C2orf66: variants seen among roughly 807,000 people sequenced by gnomAD.
C2orf66 encodes chromosome 2 open reading frame 66.
C2orf66 carries 6 observed loss-of-function variants against 7.0 expected under a neutral mutation model. That is an observed-to-expected ratio of 0.86 (90% CI 0.47 to 1.69). The LOEUF (loss-of-function observed/expected upper bound fraction) is 1.69. C2orf66 is among the 40% of genes most tolerant of loss of function. C2orf66 has a pLI of 0.01. For synonymous variants in C2orf66, 38 were observed against 43.8 expected, an observed-to-expected ratio of 0.87 and a Z score of 0.52; for missense variants, 107 against 112.0, an observed-to-expected ratio of 0.96 and a Z score of 0.20.
the C2orf66 span, among the ~76,000 whole-genome samples, chr2:196,825,222 C>CAAAA: frequency 8.7e-4 from 47 of 54,304 alleles, no homozygotes; most frequent in African/African-American, 3.1e-3. Context: ...GACTCTGTCT[C>CAAAA]AAAAAAAAAA....
chr2:196,819,815 T>C, the C2orf66 span, among the ~76,000 whole-genome samples: 3 of 152,238 alleles, frequency 2.0e-5, no homozygotes, highest in African/African-American at 7.2e-5. Flanking sequence ...CATTTCTATT[T>C]TGTATCATTC....
chr2:196,824,262 G>GT, the C2orf66 span, among the ~76,000 whole-genome samples: 372 of 148,708 alleles, frequency 2.5e-3, no homozygotes, highest in East Asian at 0.019. Context: ...CTTTGTAAGG[G>GT]TTTTTTTTTT....
At chr2:196,830,978 G>A in the C2orf66 span, among the ~76,000 whole-genome samples, 1 of 152,118 alleles carries the variant, frequency 6.6e-6, no homozygotes, top group Admixed American at 6.5e-5. Context: ...ATTAAAGCTT[G>A]GCACACCCAA....
the C2orf66 span, among the ~76,000 whole-genome samples, chr2:196,829,071 A>G: frequency 1.3e-5 from 2 of 152,174 alleles, no homozygotes; most frequent in East Asian, 3.8e-4. Flanking sequence ...ATATATATGT[A>G]TATATACATA....
the C2orf66 span, among the ~76,000 whole-genome samples, chr2:196,830,339 T>A: frequency 8.5e-5 from 13 of 152,214 alleles, no homozygotes. Context: ...TCATTCCTAC[T>A]AAGTTGAGAA....
At chr2:196,825,969 T>G in the C2orf66 span, among the ~76,000 whole-genome samples, 1 of 152,162 alleles carries the variant, frequency 6.6e-6, no homozygotes, top group Non-Finnish European at 1.5e-5. Context: ...TTATTAAATA[T>G]TTATTATGTT....
chr2:196,808,411 G>T (rs1699838833), intron 1 of C2orf66, among the ~76,000 whole-genome samples: 1 of 152,172 alleles, frequency 6.6e-6, no homozygotes. Flanking sequence ...CATGACATTT[G>T]TAAACTGTCA....
At chr2:196,829,028 T>C in the C2orf66 span, among the ~76,000 whole-genome samples, 17 of 152,312 alleles carry the variant, frequency 1.1e-4, no homozygotes, top group African/African-American at 4.1e-4. Flanking sequence ...TTGTAGTCTT[T>C]TGTTATGCAG....
At chr2:196,818,702 G>C in the C2orf66 span, among the ~76,000 whole-genome samples, 1 of 152,194 alleles carries the variant, frequency 6.6e-6, no homozygotes, top group South Asian at 2.1e-4. Flanking sequence ...ACTGAACTGA[G>C]AACCAGGTTC....
the C2orf66 span, among the ~76,000 whole-genome samples, chr2:196,818,664 C>T: frequency 5.9e-5 from 9 of 152,188 alleles, no homozygotes; most frequent in African/African-American, 1.9e-4. Context: ...AACTAGACAT[C>T]CGGATTCACA....
chr2:196,809,367 G>A (rs574199033), upstream of C2orf66: 1 of 1,612,514 alleles, frequency 6.2e-7, no homozygotes, highest in Non-Finnish European at 8.5e-7. Context: ...AAGAGGGGAT[G>A]CGGGAGCTGT....
At chr2:196,831,340 A>C in the C2orf66 span, among the ~76,000 whole-genome samples, 1 of 152,238 alleles carries the variant, frequency 6.6e-6, no homozygotes, top group African/African-American at 2.4e-5. Flanking sequence ...CTCTACTCAT[A>C]GTCCAATTTT....
At chr2:196,811,641 T>C (rs1309475826), upstream of C2orf66, among the ~76,000 whole-genome samples, 1 of 151,740 alleles carries the variant, frequency 6.6e-6, no homozygotes, top group African/African-American at 2.4e-5. Context: ...GTTTGGAATG[T>C]GTTGAGTTAG....
Position 196,804,677 on chromosome 2 carries a change from G to C in C2orf66, c.*751C>G, listed in dbSNP as rs1242999298. On this transcript the variant is annotated 3_prime_UTR_variant, in exon 3 of 3. Coordinates refer to ENST00000342506, the MANE Select transcript of C2orf66 (RefSeq NM_213608.3). The stretch of plus-strand genomic sequence containing the variant: ...AAGGAGAGCAGGGGCTGGTTGGAAA[G>C]AGAGGAAATCACCTGTTTCTACTTT... Among the ~76,000 whole-genome samples, 1 of 152,218 alleles carries C rather than the reference G, an allele frequency of 6.6e-6. No individual in the cohort carries two copies.
the C2orf66 span, among the ~76,000 whole-genome samples, chr2:196,824,883 T>C: frequency 6.6e-6 from 1 of 152,040 alleles, no homozygotes; most frequent in Non-Finnish European, 1.5e-5. Context: ...AGGAGTTATA[T>C]CCAAAATATA....
At chr2:196,823,018 TA>T in the C2orf66 span, among the ~76,000 whole-genome samples, 814 of 137,576 alleles carry the variant, frequency 5.9e-3, 1 homozygote, top group South Asian at 0.022. Flanking sequence ...AACTTCTTGT[TA>T]AAAAAAAAAA....
the C2orf66 span, among the ~76,000 whole-genome samples, chr2:196,822,388 C>T: frequency 6.6e-6 from 1 of 152,122 alleles, no homozygotes; most frequent in Non-Finnish European, 1.5e-5. Context: ...CGTTTATACT[C>T]CCCCTTCAAA....
the C2orf66 span, among the ~76,000 whole-genome samples, chr2:196,827,418 ATTC>A: frequency 2.8e-3 from 426 of 152,140 alleles, 4 homozygotes; most frequent in African/African-American, 9.8e-3. Flanking sequence ...CTTAACATAA[ATTC>A]TTTTTTTTCT....
At chr2:196,807,012 C>A (rs1030017079) in intron 2 of C2orf66, among the ~76,000 whole-genome samples, 8 of 152,140 alleles carry the variant, frequency 5.3e-5, no homozygotes, top group African/African-American at 1.7e-4. Flanking sequence ...CCCCAAAGAA[C>A]CATACTTTCA....
Sources: allele counts gnomAD v4.1 joint callset (sites outside exome capture counted in the v4.1 genomes callset), GRCh38; gene constraint gnomAD v4.1.1; transcripts MANE v1.5; gene names NCBI Gene and HGNC (gene_info 2026-07-23, HGNC 2026-07-21).